The following ADAMTS14 variants were observed in gnomAD, a reference collection of about 807,000 sequenced individuals.
ADAMTS14 encodes A disintegrin and metalloproteinase with thrombospondin motifs 14.
Under a neutral mutation model 128.6 loss-of-function variants are expected in ADAMTS14, and 100 were observed. The observed-to-expected ratio is 0.78, with a 90% confidence interval of 0.66 to 0.92. The LOEUF (loss-of-function observed/expected upper bound fraction) is 0.92. ADAMTS14 is among the 40% of genes least tolerant of loss of function. The pLI, the probability that ADAMTS14 is intolerant of heterozygous loss-of-function variation, is 0.00. For synonymous variants in ADAMTS14, 665 were observed against 653.8 expected (o/e 1.02, Z -0.26); for missense variants, 1,562 against 1,658.6 (o/e 0.94, Z 1.01).
At chr10:70,695,258 T>G (rs887144266) in intron 2 of ADAMTS14, among the ~76,000 whole-genome samples, 1 of 152,210 alleles carries the variant, frequency 6.6e-6, no homozygotes, top group African/African-American at 2.4e-5. Flanking sequence ...TACAAGTCCC[T>G]TATCAGGAGA....
intron 2 of ADAMTS14, among the ~76,000 whole-genome samples, chr10:70,682,909 T>G (rs11818743): frequency 4.9e-4 from 75 of 152,336 alleles, no homozygotes; most frequent in African/African-American, 1.7e-3. Context: ...TGTGGTCACC[T>G]ATGTGTCCTC....
chr10:70,708,625 G>T lies in ADAMTS14; in HGVS notation c.717G>T (p.Leu239=). 1.2e-6 allele frequency: 2 copies of T among 1,611,566 alleles called. No individual in the cohort carries two copies. Among genetic ancestry groups the T allele is most frequent in the Non-Finnish European group, 1.7e-6 (2 of 1,178,002 alleles). Residue 239 remains leucine (L), a synonymous_variant, in exon 4 of 22, where the codon CTG becomes CTT. Transcript: ENST00000373207. ...GLGDLPNLLG[L]VGDQLGDTER... The stretch of plus-strand genomic sequence containing the variant: ...GAGACCTTCCCAACCTGCTGGGCCT[G>T]GTGGGGGACCAGCTGGGCGACACAG...
At chr10:70,715,610 G>A (rs1272663098) in intron 4 of ADAMTS14, among the ~76,000 whole-genome samples, 1 of 152,146 alleles carries the variant, frequency 6.6e-6, no homozygotes, top group South Asian at 2.1e-4. Context: ...GCGAAGTTTG[G>A]AAGGTAGTGG....
At chr10:70,714,541 T>A (rs992871378) in intron 4 of ADAMTS14, among the ~76,000 whole-genome samples, 1 of 152,198 alleles carries the variant, frequency 6.6e-6, no homozygotes, top group African/African-American at 2.4e-5. Context: ...TGTTCAGTAC[T>A]GGAGGGCTTG....
At chr10:70,736,890 C>A in intron 10 of ADAMTS14, 97 bp downstream of exon 10, 2 of 1,087,342 alleles carry the variant, frequency 1.8e-6, no homozygotes, top group Non-Finnish European at 1.4e-6. Context: ...TGACCCCTCC[C>A]TCCAAGTGCT....
chr10:70,737,126 T>C (rs896751197), intron 10 of ADAMTS14, among the ~76,000 whole-genome samples: 20 of 152,274 alleles, frequency 1.3e-4, no homozygotes, highest in South Asian at 8.3e-4. Flanking sequence ...TAAGGAACTT[T>C]ATGGGGTCCC....
At chr10:70,690,814 G>A (rs1343619489) in intron 2 of ADAMTS14, among the ~76,000 whole-genome samples, 1 of 145,154 alleles carries the variant, frequency 6.9e-6, no homozygotes, top group African/African-American at 2.4e-5. Flanking sequence ...GCAGGGTGCC[G>A]CTCCTCCGCT....
chr10:70,726,869 C>G (rs1841448719), intron 4 of ADAMTS14, among the ~76,000 whole-genome samples: 2 of 152,218 alleles, frequency 1.3e-5, no homozygotes, highest in African/African-American at 2.4e-5. Flanking sequence ...GCACTTTACT[C>G]CCACTGGGGA....
intron 2 of ADAMTS14, among the ~76,000 whole-genome samples, chr10:70,699,264 T>A (rs1453602538): frequency 1.3e-5 from 2 of 152,170 alleles, no homozygotes; most frequent in African/African-American, 4.8e-5. Context: ...CTCTATTTCC[T>A]CATCTGTGCA....
In ADAMTS14 at chr10:70,708,612, A is replaced by G. The variant is rs1840736592; in HGVS notation, c.704A>G (p.Asn235Ser). 2 of 1,607,788 alleles carry G rather than the reference A, an allele frequency of 1.2e-6. No individual in the cohort carries two copies. The highest frequency in any genetic ancestry group is 1.7e-6 in the Non-Finnish European group (2 of 1,175,204). ...NEAFGLGDLPNLLGLVGDQLG... is the reference protein window; with the variant it reads ...NEAFGLGDLPSLLGLVGDQLG... ...GCCTTTGGCCTGGGAGACCTTCCCA[A>G]CCTGCTGGGCCTGGTGGGGGACCAG... is the stretch of plus-strand genomic sequence containing the variant. The change falls in exon 4 of 22, where the codon AAC (asparagine) becomes AGC (serine). Residue 235 changes from asparagine (N) to serine (S), a missense_variant. Transcript: ENST00000373207.
At chr10:70,710,719 A>G (rs544504593) in intron 4 of ADAMTS14, among the ~76,000 whole-genome samples, 1 of 152,328 alleles carries the variant, frequency 6.6e-6, no homozygotes, top group African/African-American at 2.4e-5. Context: ...CAGCATTAAC[A>G]GTACTTACTA....
At chr10:70,740,959 G>A (rs1292731336) in intron 11 of ADAMTS14, 28 bp from the exon 12 acceptor site, 3 of 1,607,584 alleles carry the variant, frequency 1.9e-6, no homozygotes, top group Admixed American at 3.3e-5. Context: ...AGCCAGCAAG[G>A]TCATCCATTT....
chr10:70,685,870 C>T (rs1839937593), intron 2 of ADAMTS14, among the ~76,000 whole-genome samples: 1 of 152,106 alleles, frequency 6.6e-6, no homozygotes, highest in Admixed American at 6.5e-5. Context: ...ATGAGGCTCC[C>T]ACTATGAGGG....
chr10:70,754,061 A>T (rs1382451816), intron 19 of ADAMTS14, 54 bp downstream of exon 19: 6 of 1,448,074 alleles, frequency 4.1e-6, no homozygotes, highest in Non-Finnish European at 5.5e-6. Flanking sequence ...GGTCTGAGGG[A>T]TTTTTTTGGT....
At position 70,760,565 on chromosome 10, in the gene ADAMTS14, A is replaced by G. The variant is rs1286936964; in HGVS notation, c.3384A>G (p.Ala1128=). The part of the protein sequence containing the change: ...GSPLPGPQDP[A]DAAEPPGKPT... ...CCTTACCAGGACCCCAGGACCCTGCAGATGCTGCAGAGCCTCCTGGAAAGC... is the reference window on the plus strand; with the variant it reads ...CCTTACCAGGACCCCAGGACCCTGCGGATGCTGCAGAGCCTCCTGGAAAGC... Residue 1128 remains alanine, a synonymous_variant, in exon 22 of 22, where the codon GCA becomes GCG. Transcript: ENST00000373207. The G allele has an allele frequency of 6.2e-7, 1 of 1,613,562 alleles. No homozygotes were observed. The highest frequency in any genetic ancestry group is 8.5e-7 in the Non-Finnish European group (1 of 1,179,728).
intron 19 of ADAMTS14, among the ~76,000 whole-genome samples, chr10:70,754,817 G>A (rs79784187): frequency 3.9e-5 from 6 of 152,224 alleles, no homozygotes; most frequent in African/African-American, 1.4e-4. Flanking sequence ...AAGGTTGAGC[G>A]TTAGACAGTC....
chr10:70,745,353 C>A (rs757155581), intron 15 of ADAMTS14, 47 bp downstream of exon 15: 4 of 1,600,132 alleles, frequency 2.5e-6, no homozygotes, highest in East Asian at 4.5e-5. Context: ...CCAGGCCCTG[C>A]CCTCTGACTT....
chr10:70,691,487 T>TAAAAAAAAAAAAAAAAAAAAA (rs11373533), intron 2 of ADAMTS14, among the ~76,000 whole-genome samples: 2 of 86,694 alleles, frequency 2.3e-5, no homozygotes, highest in East Asian at 3.2e-4. Flanking sequence ...GAGACCCTGT[T>TAAAAAAAAAAAAAAAAAAAAA]AAAAAAAAAA....
At chr10:70,729,976 T>A in intron 5 of ADAMTS14, 126 bp from the exon 6 acceptor site, 1 of 1,135,976 alleles carries the variant, frequency 8.8e-7, no homozygotes, top group Non-Finnish European at 1.2e-6. Context: ...CAGCTGGTGA[T>A]CTTGGGGTGG....
Sources: gnomAD v4.1 joint callset for allele counts (sites outside exome capture counted in the v4.1 genomes callset) on GRCh38, gnomAD v4.1.1 for gene constraint, MANE v1.5 for transcripts, NCBI Gene and HGNC (gene_info 2026-07-23, HGNC 2026-07-21) for gene names.